Variants in DPP10 observed in about 807,000 individuals in gnomAD.
DPP10 encodes inactive dipeptidyl peptidase 10.
In DPP10, 33 loss-of-function variants were observed where a neutral mutation model predicts 120.9. That is an observed-to-expected ratio of 0.27 (90% CI 0.21 to 0.37). The LOEUF is 0.37. Ranked by LOEUF, DPP10 falls within the 10% of genes least tolerant of loss-of-function variation. The pLI, the probability that DPP10 is intolerant of heterozygous loss-of-function variation, is 1.00. For missense variants in DPP10, 816 were observed against 942.8 expected (o/e 0.87, Z 1.76); for synonymous variants, 337 against 326.1 (o/e 1.03, Z -0.36).
chr2:115,110,933 A>C (rs2049183402), intron 1 of DPP10, among the ~76,000 whole-genome samples: 2 of 152,158 alleles, frequency 1.3e-5, no homozygotes, highest in Non-Finnish European at 2.9e-5. Context: ...TTTCACATTT[A>C]ATATGTAGCT....
At chr2:115,774,460 G>T (rs1681857451) in intron 13 of DPP10, among the ~76,000 whole-genome samples, 1 of 152,026 alleles carries the variant, frequency 6.6e-6, no homozygotes, top group Non-Finnish European at 1.5e-5. Context: ...AGAAAGAGGA[G>T]CTATCCACTG....
At chr2:115,309,421 T>C in intron 2 of DPP10, 68 bp downstream of exon 2, 1 of 1,470,672 alleles carries the variant, frequency 6.8e-7, no homozygotes, top group African/African-American at 1.4e-5. Flanking sequence ...TTCAAATGCC[T>C]TAAGAGGGTA....
chr2:114,952,999 T>C (rs933887601), intron 1 of DPP10, among the ~76,000 whole-genome samples: 2 of 151,986 alleles, frequency 1.3e-5, no homozygotes, highest in East Asian at 3.9e-4. Context: ...TGAGGCTTTT[T>C]TTTTTTCTGG....
At chr2:115,583,539 A>G (rs1336030676) in intron 5 of DPP10, among the ~76,000 whole-genome samples, 2 of 152,156 alleles carry the variant, frequency 1.3e-5, no homozygotes, top group Non-Finnish European at 2.9e-5. Flanking sequence ...CAAATGACAC[A>G]TGTGGCCTTT....
At chr2:114,993,418 T>C (rs1250583717) in intron 1 of DPP10, among the ~76,000 whole-genome samples, 4 of 151,524 alleles carry the variant, frequency 2.6e-5, no homozygotes, top group Admixed American at 2.6e-4. Context: ...AGGGTTAAGA[T>C]TTTTCCACCT....
At chr2:114,747,126 T>C (rs1330833232) in intron 1 of DPP10, among the ~76,000 whole-genome samples, 2 of 152,206 alleles carry the variant, frequency 1.3e-5, no homozygotes, top group African/African-American at 4.8e-5. Flanking sequence ...CATATATAGA[T>C]AAGAGAAGAA....
At chr2:115,273,563 C>T (rs2105825546) in intron 1 of DPP10, among the ~76,000 whole-genome samples, 1 of 152,290 alleles carries the variant, frequency 6.6e-6, no homozygotes. Flanking sequence ...GTCTCGATCT[C>T]CTGACCTCGT....
chr2:115,407,668 C>T (rs913288449), intron 3 of DPP10, among the ~76,000 whole-genome samples: 1 of 147,698 alleles, frequency 6.8e-6, no homozygotes, highest in Non-Finnish European at 1.5e-5. Context: ...GCTGAAAGCC[C>T]ACTGGAAAAA....
At chr2:115,425,284 TA>T (rs1487882823) in intron 3 of DPP10, among the ~76,000 whole-genome samples, 2 of 152,192 alleles carry the variant, frequency 1.3e-5, no homozygotes, top group Non-Finnish European at 2.9e-5. Context: ...ATCTAGGCAT[TA>T]AAAATGATTT....
chr2:115,600,021 G>A (rs1442107225), intron 5 of DPP10, among the ~76,000 whole-genome samples: 1 of 151,912 alleles, frequency 6.6e-6, no homozygotes, highest in Non-Finnish European at 1.5e-5. Flanking sequence ...CTCTTTGGGA[G>A]CCATTGTTAC....
At chr2:115,839,355 T>C (rs915087638) in intron 24 of DPP10, among the ~76,000 whole-genome samples, 5 of 152,166 alleles carry the variant, frequency 3.3e-5, no homozygotes, top group Non-Finnish European at 7.3e-5. Flanking sequence ...TTGATAAGGC[T>C]GCCCTAATTT....
At chr2:114,815,406 A>T (rs2106337394) in intron 1 of DPP10, among the ~76,000 whole-genome samples, 1 of 152,310 alleles carries the variant, frequency 6.6e-6, no homozygotes, top group South Asian at 2.1e-4. Context: ...ATTAGCTAGG[A>T]AGTTTGGAGG....
intron 1 of DPP10, among the ~76,000 whole-genome samples, chr2:114,538,688 T>G (rs751028324): frequency 6.6e-6 from 1 of 152,120 alleles, no homozygotes; most frequent in African/African-American, 2.4e-5. Flanking sequence ...TAATATAACA[T>G]AGATTTATTT....
chr2:114,500,004 A>G (rs1404171309), intron 1 of DPP10, among the ~76,000 whole-genome samples: 2 of 152,178 alleles, frequency 1.3e-5, no homozygotes, highest in African/African-American at 4.8e-5. Context: ...CTCTGGGGAG[A>G]ACTCACTGGC....
intron 1 of DPP10, among the ~76,000 whole-genome samples, chr2:115,193,664 G>A (rs1241865210): frequency 1.3e-5 from 2 of 152,100 alleles, no homozygotes; most frequent in Admixed American, 6.6e-5. Context: ...ACTTAGAATC[G>A]GTAAGATGGT....
intron 1 of DPP10, among the ~76,000 whole-genome samples, chr2:114,851,119 C>T (rs1440687626): frequency 6.6e-6 from 1 of 152,074 alleles, no homozygotes; most frequent in Non-Finnish European, 1.5e-5. Context: ...GGATAAAATG[C>T]TAGTGAAAGA....
intron 1 of DPP10, among the ~76,000 whole-genome samples, chr2:114,448,162 A>G (rs1033245907): frequency 9.9e-5 from 15 of 152,268 alleles, no homozygotes; most frequent in Admixed American, 9.2e-4. Context: ...TTTACATTTT[A>G]TAGCTTAGAT....
At chr2:114,696,283 G>T (rs1045464642) in intron 1 of DPP10, among the ~76,000 whole-genome samples, 13 of 151,926 alleles carry the variant, frequency 8.6e-5, no homozygotes, top group Admixed American at 8.5e-4. Context: ...GGAGAAAAAA[G>T]AATAAATTAA....
chr2:114,730,205 C>T (rs1203961945), intron 1 of DPP10, among the ~76,000 whole-genome samples: 1 of 151,990 alleles, frequency 6.6e-6, no homozygotes, highest in African/African-American at 2.4e-5. Context: ...AGTAATTTTG[C>T]CACTTTAATA....
Sources: gnomAD v4.1 joint callset for allele counts (sites outside exome capture counted in the v4.1 genomes callset) on GRCh38, gnomAD v4.1.1 for gene constraint, MANE v1.5 for transcripts, NCBI Gene and HGNC (gene_info 2026-07-23, HGNC 2026-07-21) for gene names.